TCF7L2: variants seen among roughly 807,000 people sequenced by gnomAD.
TCF7L2 encodes the protein transcription factor 7 like 2.
In TCF7L2, 23 loss-of-function variants were observed where a neutral mutation model predicts 77.9. The observed-to-expected ratio is 0.30, with a 90% confidence interval of 0.21 to 0.42. TCF7L2 has a LOEUF of 0.42. Among genes scored for constraint, TCF7L2 ranks in the 10% least tolerant of loss-of-function variants. The pLI is 1.00. For synonymous variants in TCF7L2, 413 were observed against 340.2 expected (o/e 1.21, Z -2.36); for missense variants, 654 against 793.1 (o/e 0.82, Z 2.11).
chr10:113,038,737 G>T (rs1020197362), intron 4 of TCF7L2, among the ~76,000 whole-genome samples: 3 of 151,988 alleles, frequency 2.0e-5, no homozygotes, highest in African/African-American at 4.8e-5. Flanking sequence ...CTGAGTCTCT[G>T]TCACAGTGTC....
chr10:113,146,879 G>A (rs1334674856), intron 8 of TCF7L2, among the ~76,000 whole-genome samples: 1 of 150,708 alleles, frequency 6.6e-6, no homozygotes, highest in Non-Finnish European at 1.5e-5. Context: ...AGTGGTCTGT[G>A]CAGCTCTAAG....
At chr10:113,002,474 C>A (rs2044666238) in intron 4 of TCF7L2, among the ~76,000 whole-genome samples, 1 of 152,084 alleles carries the variant, frequency 6.6e-6, no homozygotes. Context: ...CAGGACAGCC[C>A]CCTGTGACAG....
intron 4 of TCF7L2, among the ~76,000 whole-genome samples, chr10:113,012,811 A>G (rs2046678574): frequency 6.6e-6 from 1 of 152,162 alleles, no homozygotes; most frequent in South Asian, 2.1e-4. Flanking sequence ...GAACCAAAAT[A>G]TTTTTCTTAA....
Position 113,167,069 on chromosome 10 carries a change from C to T in TCF7L2, c.*1097C>T, listed in dbSNP as rs970566924. On this transcript the variant is annotated 3_prime_UTR_variant, in exon 14 of 14. Coordinates refer to ENST00000627217, the MANE Select transcript of TCF7L2 (RefSeq NM_001146274.2). The stretch of plus-strand genomic sequence containing the variant: ...CGGACTGACCGTGTACAAAACTTTA[C>T]GTGCCAAAATTCTCAGTGAATTTAG... 2 of 230,550 alleles carry T rather than the reference C, an allele frequency of 8.7e-6. No homozygotes were observed. The highest frequency in any genetic ancestry group is 2.2e-5 in the African/African-American group (1 of 45,164). 14.3% of individuals were successfully genotyped at this position (230,550 alleles called of 1,614,324 possible).
At chr10:113,017,611 C>T (rs2047567060) in intron 4 of TCF7L2, among the ~76,000 whole-genome samples, 1 of 152,194 alleles carries the variant, frequency 6.6e-6, no homozygotes, top group African/African-American at 2.4e-5. Context: ...AAAGGCTGGT[C>T]CACTGGAGAC....
intron 5 of TCF7L2, among the ~76,000 whole-genome samples, chr10:113,123,340 G>A (rs2065084295): frequency 6.6e-6 from 1 of 152,212 alleles, no homozygotes; most frequent in Non-Finnish European, 1.5e-5. Flanking sequence ...CAGGAATGGG[G>A]AAGCTCTGGA....
chr10:113,151,447 C>T lies in TCF7L2; in HGVS notation c.1002-278C>T, dbSNP rs547942352. Among the ~76,000 whole-genome samples, 3 of 152,044 alleles carry T rather than the reference C, an allele frequency of 2.0e-5. No individual in the cohort carries two copies. The highest frequency in any genetic ancestry group is 1.3e-4 in the Admixed American group (2 of 15,268). ...TTCTGCAAGCAGGAGAAAACCCTGC[C>T]GAGGTGAAGACAGCAACCATGTGCT... On this transcript the variant is annotated intron_variant, in intron 9 of 13. Coordinates refer to ENST00000627217, the MANE Select transcript of TCF7L2 (RefSeq NM_001146274.2). The surrounding 1 kb of genome is among the most constrained non-coding windows in gnomAD (Gnocchi z 5.2).
chr10:113,017,152 G>C (rs1476414663), intron 4 of TCF7L2, among the ~76,000 whole-genome samples: 1 of 152,180 alleles, frequency 6.6e-6, no homozygotes, highest in Non-Finnish European at 1.5e-5. Context: ...AATTGATAGA[G>C]ATCTACTGTC....
intron 12 of TCF7L2, chr10:113,160,506 C>A: frequency 1.2e-6 from 1 of 853,538 alleles, no homozygotes; most frequent in South Asian, 2.5e-5. Flanking sequence ...GGAAGATTAT[C>A]AAATAGAACC....
At chr10:112,967,788 A>C (rs1459932272) in intron 4 of TCF7L2, among the ~76,000 whole-genome samples, 1 of 152,064 alleles carries the variant, frequency 6.6e-6, no homozygotes, top group African/African-American at 2.4e-5. Flanking sequence ...GGCATGTGCC[A>C]CCACGCCCGG....
At chr10:113,038,864 T>C (rs1327796133) in intron 4 of TCF7L2, among the ~76,000 whole-genome samples, 1 of 152,172 alleles carries the variant, frequency 6.6e-6, no homozygotes, top group Non-Finnish European at 1.5e-5. Context: ...ACAAAGCAAG[T>C]AGTACTCAGT....
chr10:113,129,501 T>A (rs1158458676), intron 5 of TCF7L2: 11 of 1,010,794 alleles, frequency 1.1e-5, no homozygotes, highest in Non-Finnish European at 1.3e-5. Flanking sequence ...AAAATTTTTT[T>A]TAAAAAATTA....
At chr10:113,025,346 C>T in intron 4 of TCF7L2, among the ~76,000 whole-genome samples, 1 of 150,034 alleles carries the variant, frequency 6.7e-6, no homozygotes, top group East Asian at 2.0e-4. Flanking sequence ...TCAAGTGATT[C>T]TCCTGTCTCA....
Position 113,146,608 on chromosome 10 carries a change from TA to T in TCF7L2, c.875+517del, listed in dbSNP as rs1156554735. Among the ~76,000 whole-genome samples the T allele has an allele frequency of 2.0e-5, 3 of 151,572 alleles. No individual in the cohort carries two copies. In the East Asian group the frequency reaches 5.8e-4, roughly 29 times the overall value. On this transcript the variant is annotated intron_variant, in intron 8 of 13. Coordinates refer to ENST00000627217, the MANE Select transcript of TCF7L2 (RefSeq NM_001146274.2). The stretch of plus-strand genomic sequence containing the variant: ...TTAAATTTCGTAGTAGCCGTGTTTT[TA>T]AAAAAGTTTTTGTTTTTTTTTTTTT...
intron 4 of TCF7L2, among the ~76,000 whole-genome samples, chr10:112,982,314 A>T (rs1589966640): frequency 6.6e-6 from 1 of 152,268 alleles, no homozygotes; most frequent in East Asian, 1.9e-4. Context: ...CATCTGTGAA[A>T]AGCAGGTTTA....
chr10:113,012,509 A>G (rs1016269214), intron 4 of TCF7L2, among the ~76,000 whole-genome samples: 2 of 152,172 alleles, frequency 1.3e-5, no homozygotes, highest in African/African-American at 2.4e-5. Context: ...GAAGAAAGAC[A>G]GAATTCTAAG....
At chr10:112,957,744 T>C (rs1041345242) in intron 3 of TCF7L2, among the ~76,000 whole-genome samples, 1 of 152,274 alleles carries the variant, frequency 6.6e-6, no homozygotes, top group Non-Finnish European at 1.5e-5. Context: ...CAGATGTGTT[T>C]CCTATCAGTT....
intron 5 of TCF7L2, among the ~76,000 whole-genome samples, chr10:113,121,796 A>C (rs2064844180): frequency 6.6e-6 from 1 of 151,986 alleles, no homozygotes; most frequent in Admixed American, 6.6e-5. Context: ...ACACACACAC[A>C]AATGAAGGCA....
intron 3 of TCF7L2, among the ~76,000 whole-genome samples, chr10:112,960,272 A>G (rs186730634): frequency 1.1e-4 from 17 of 152,334 alleles, no homozygotes; most frequent in Non-Finnish European, 1.8e-4. Flanking sequence ...AGTAGTGATT[A>G]GAAATAAGAT....
Sources: gnomAD v4.1 joint callset for allele counts (sites outside exome capture counted in the v4.1 genomes callset) on GRCh38, gnomAD v4.1.1 for gene constraint, Gnocchi (gnomAD v3.1) non-coding constraint, MANE v1.5 for transcripts, NCBI Gene and HGNC (gene_info 2026-07-23, HGNC 2026-07-21) for gene names.